Variants in MCM4 observed in about 807,000 individuals in gnomAD.
The protein encoded by MCM4 is minichromosome maintenance complex component 4, also known as DNA replication licensing factor MCM4.
A neutral mutation model predicts 88.7 loss-of-function variants in MCM4; 60 were observed. The observed-to-expected ratio is 0.68, with a 90% CI of 0.55 to 0.84. MCM4 has a LOEUF of 0.84. Among genes scored for constraint, MCM4 ranks in the 40% least tolerant of loss-of-function variants. The probability of loss-of-function intolerance (pLI) is 0.00; values close to 1 mark genes in which losing one functional copy is unlikely to be tolerated. For synonymous variants in MCM4, 465 were observed against 410.5 expected, an observed-to-expected ratio of 1.13 and a Z score of -1.61; for missense variants, 1,149 against 1,105.5, an observed-to-expected ratio of 1.04 and a Z score of -0.56.
At chr8:47,974,314 A>G (rs2090981497) in intron 14 of MCM4, 1 of 167,046 alleles carries the variant, frequency 6.0e-6, no homozygotes, top group Non-Finnish European at 1.3e-5. Flanking sequence ...GCATTCTCCC[A>G]GCAATCCTTA....
intron 14 of MCM4, among the ~76,000 whole-genome samples, chr8:47,973,320 G>A (rs940029036): frequency 4.6e-5 from 7 of 151,672 alleles, no homozygotes; most frequent in Non-Finnish European, 7.4e-5. Flanking sequence ...GGGATTACAG[G>A]TGCCCACAAC....
At chr8:47,967,059 C>T (rs919902671) in intron 9 of MCM4, among the ~76,000 whole-genome samples, 9 of 152,208 alleles carry the variant, frequency 5.9e-5, no homozygotes, top group African/African-American at 1.9e-4. Context: ...AGAGAAAAGC[C>T]CAGCATCCTT....
At chr8:47,964,365 A>G (rs2090877896) in intron 7 of MCM4, among the ~76,000 whole-genome samples, 1 of 152,268 alleles carries the variant, frequency 6.6e-6, no homozygotes. Context: ...GCACTTTCGT[A>G]TAAATTATGA....
In MCM4 at chr8:47,962,794, G is replaced by T. The variant is rs2154505021; in HGVS notation, c.532G>T (p.Ala178Ser). Residue 178 changes from alanine to serine, a missense_variant, in exon 6 of 17, where the codon GCT (alanine) becomes TCT (serine). This residue lies in a region of MCM4 where 906 missense variants were observed against 843.0 expected (regional missense o/e 1.07). Coordinates refer to ENST00000649973, the MANE Select transcript of MCM4 (RefSeq NM_182746.3). ...TCTTCAGCGTTTTATTGACCCTCTG[G>T]CTAAAGAAGAAGAAAATGTTGGCAT... ...RFLQRFIDPL[A>S]KEEENVGIDI... The T allele has an allele frequency of 6.2e-7, 1 of 1,609,720 alleles. No homozygotes were observed. Among genetic ancestry groups the T allele is most frequent in the Non-Finnish European group, 8.5e-7 (1 of 1,178,842 alleles).
At position 47,977,096 on chromosome 8, in the gene MCM4, T is replaced by A. The variant is rs964854516; in HGVS notation, c.*318T>A. ...CTAGCCAAGATGGTGAAACCCCGTC[T>A]CTAGTAAAGATAACAAAAAATTAGC... On this transcript the variant is annotated 3_prime_UTR_variant, in exon 17 of 17. Transcript: ENST00000649973. 1.2e-5 allele frequency: 2 copies of A among 171,194 alleles called. No individual in the cohort carries two copies. The highest frequency in any genetic ancestry group is 4.8e-5 in the African/African-American group (2 of 41,952). 10.6% of individuals were successfully genotyped at this position (171,194 alleles called of 1,614,324 possible).
chr8:47,970,423 TAA>T, intron 11 of MCM4, 86 bp from the exon 12 acceptor site: 1 of 1,467,280 alleles, frequency 6.8e-7, no homozygotes, highest in Admixed American at 2.2e-5. Flanking sequence ...TAGTTCTTTA[TAA>T]GAGAGAAAAG....
At chr8:47,966,889 GAT>G (rs1281984620) in intron 9 of MCM4, among the ~76,000 whole-genome samples, 3 of 152,262 alleles carry the variant, frequency 2.0e-5, no homozygotes, top group African/African-American at 7.2e-5. Flanking sequence ...TGACTGTAAA[GAT>G]GTGGGAGGAC....
Position 47,976,696 on chromosome 8 carries a change from A to G in MCM4, c.2510A>G (p.Lys837Arg). Residue 837 changes from lysine (K) to arginine (R), a missense_variant, in exon 17 of 17, where the codon AAA becomes AGA. Lys to Arg is a conservative substitution (Grantham distance 26). Transcript: ENST00000649973. Reference protein sequence around the residue: ...IRGQSDIAITKDMFEEALRAL... With the variant: ...IRGQSDIAITRDMFEEALRAL... ...TTCTCTTCCCCACAGGCAATTACTA[A>G]AGATATGTTTGAAGAAGCACTGCGT... The G allele has an allele frequency of 6.2e-7, 1 of 1,612,362 alleles. No individual in the cohort carries two copies. The highest frequency in any genetic ancestry group is 8.5e-7 in the Non-Finnish European group (1 of 1,178,634).
intron 7 of MCM4, 62 bp from the exon 8 acceptor site, chr8:47,964,512 G>A (rs1188225416): frequency 3.8e-6 from 5 of 1,309,896 alleles, no homozygotes; most frequent in South Asian, 1.5e-5. Context: ...AATCTGACAT[G>A]CCTTTATTAT....
intron 11 of MCM4, 93 bp downstream of exon 11, chr8:47,970,150 T>C: frequency 7.0e-7 from 1 of 1,426,420 alleles, no homozygotes; most frequent in Non-Finnish European, 9.6e-7. Flanking sequence ...CCATCCGCCA[T>C]AAAGGACAGA....
intron 10 of MCM4, 49 bp from the exon 11 acceptor site, chr8:47,969,749 G>T: frequency 6.2e-6 from 10 of 1,604,962 alleles, no homozygotes; most frequent in Non-Finnish European, 7.7e-6. Flanking sequence ...TGAGCCACTC[G>T]GAGGAAGATA....
Position 47,967,412 on chromosome 8 carries a change from A to G in MCM4, c.1101A>G (p.Pro367=). The G allele has an allele frequency of 6.2e-7, 1 of 1,614,176 alleles. No homozygotes were observed. Among genetic ancestry groups the G allele is most frequent in the Non-Finnish European group, 8.5e-7 (1 of 1,180,024 alleles). The change falls in exon 10 of 17, where the codon CCA becomes CCG. Residue 367 remains proline, a synonymous_variant. Coordinates refer to ENST00000649973, the MANE Select transcript of MCM4 (RefSeq NM_182746.3). Reference sequence around the variant, plus strand: ...AAGACATGCCTGCAGGGCAGACACCACACACAGTTATCCTGTTTGCTCACA... The same window carrying G: ...AAGACATGCCTGCAGGGCAGACACCGCACACAGTTATCCTGTTTGCTCACA... The part of the protein sequence containing the change: ...SPEDMPAGQT[P]HTVILFAHND...
chr8:47,961,611 G>A lies in MCM4; in HGVS notation c.166G>A (p.Gly56Arg). 1 of 1,614,184 alleles carries A rather than the reference G, an allele frequency of 6.2e-7. No homozygotes were observed. The change falls in exon 3 of 17, where the codon GGA becomes AGA. Residue 56 changes from glycine (G) to arginine (R), a missense_variant. Physicochemically the swap from Gly to Arg is moderately radical, Grantham distance 125 (BLOSUM62 -2). This residue lies in a region of MCM4 where 906 missense variants were observed against 843.0 expected (regional missense o/e 1.07). Transcript: ENST00000649973. ...GTTGCAGCCGATGCCAACCTCGCCT[G>A]GAGTGGACCTGCAGAGCCCTGCTGC... ...GELQPMPTSP[G>R]VDLQSPAAQD...
In MCM4 at chr8:47,969,960, T is replaced by C. The variant is rs536320508; in HGVS notation, c.1337T>C (p.Val446Ala). The C allele has an allele frequency of 1.9e-6, 3 of 1,614,224 alleles. No homozygotes were observed. Among genetic ancestry groups the C allele is most frequent in the South Asian group, 2.2e-5 (2 of 91,088 alleles). Residue 446 changes from valine (V) to alanine (A), a missense_variant, in exon 11 of 17, where the codon GTG becomes GCG. By Grantham distance (64) the Val-to-Ala change is moderately conservative. Coordinates refer to ENST00000649973, the MANE Select transcript of MCM4 (RefSeq NM_182746.3). ...AEQKLFSEKR[V>A]ELLKELSRKP... ...CAGAAACTTTTTTCAGAGAAACGTG[T>C]GGAATTGCTTAAGGAACTTTCCAGG...
intron 8 of MCM4, among the ~76,000 whole-genome samples, chr8:47,965,334 G>T (rs969209466): frequency 4.6e-5 from 7 of 152,186 alleles, no homozygotes; most frequent in African/African-American, 1.7e-4. Context: ...GCAAGGCACA[G>T]TGGCTCACAC....
rs17287725 is a variant in MCM4, at chr8:47,974,466, G to A, written c.2137-268G>A. Reference sequence around the variant, plus strand: ...GCCCGTCTCTGTTCTTCAGAGCTACGTTAGATGCCACCCTCTCCAAGAATT... The same window carrying A: ...GCCCGTCTCTGTTCTTCAGAGCTACATTAGATGCCACCCTCTCCAAGAATT... On this transcript the variant is annotated intron_variant, in intron 14 of 16. Transcript: ENST00000649973. 3.3e-3 allele frequency: 1,361 copies of A among 412,794 alleles called. 17 individuals carry two copies. Among genetic ancestry groups the A allele is most frequent in the African/African-American group, 0.023 (1,165 of 50,020 alleles). The allele number at this position is 412,794 out of a possible 1,614,324, so 25.6% of individuals were successfully genotyped here.
In MCM4 at chr8:47,966,187, A is replaced by G. The variant is rs138414241; in HGVS notation, c.833A>G (p.Asp278Gly). 51 of 1,613,552 alleles carry G rather than the reference A, an allele frequency of 3.2e-5. No individual in the cohort carries two copies. The highest frequency in any genetic ancestry group is 3.8e-5 in the Non-Finnish European group (45 of 1,179,770). ...GCTGACCTCTCTTCTCCCCTCACAG[A>G]CATTGACCAGCTCATCACCATCAGC... ...TKNMRNLNPE[D>G]IDQLITISGM... The change falls in exon 9 of 17, where the codon GAC (aspartate) becomes GGC (glycine). Residue 278 changes from aspartate (D) to glycine (G), a missense_variant and splice_region_variant. Asp to Gly is a moderately conservative substitution (Grantham distance 94, BLOSUM62 -1). This residue lies in a region of MCM4 where 906 missense variants were observed against 843.0 expected (regional missense o/e 1.07). Coordinates refer to ENST00000649973, the MANE Select transcript of MCM4 (RefSeq NM_182746.3).
intron 3 of MCM4, 127 bp downstream of exon 3, chr8:47,961,807 T>G (rs2090841332): frequency 7.9e-7 from 1 of 1,266,836 alleles, no homozygotes; most frequent in African/African-American, 1.5e-5. Context: ...TGACTGAGCA[T>G]GTTCTTAACC....
chr8:47,975,495 C>A, intron 15 of MCM4: 1 of 340,732 alleles, frequency 2.9e-6, no homozygotes, highest in Non-Finnish European at 5.2e-6. Flanking sequence ...TGTTTCTTAG[C>A]AGCAGCTGCT....
Sources: gnomAD v4.1 joint callset for allele counts (sites outside exome capture counted in the v4.1 genomes callset) on GRCh38, gnomAD v4.1.1 for gene constraint, gnomAD v4.1.1 regional missense constraint, MANE v1.5 for transcripts, NCBI Gene and HGNC (gene_info 2026-07-23, HGNC 2026-07-21) for gene names.